The following FRMPD4 variants were observed in gnomAD, a reference collection of about 807,000 sequenced individuals.
The protein encoded by FRMPD4 is FERM and PDZ domain-containing protein 4.
Under a neutral mutation model 94.1 loss-of-function variants are expected in FRMPD4, and 22 were observed. The ratio of observed to expected loss-of-function variants is 0.23; its 90% CI spans 0.17 to 0.33. FRMPD4 has a LOEUF of 0.33. Among genes scored for constraint, FRMPD4 ranks in the 10% least tolerant of loss-of-function variants. FRMPD4 has a pLI of 1.00. For missense variants in FRMPD4, 1,111 were observed against 1,339.9 expected (o/e 0.83, Z 2.67); for synonymous variants, 631 against 548.6 (o/e 1.15, Z -2.10).
In FRMPD4 at chrX:12,000,722, A is replaced by T. The variant is rs528406038; in HGVS notation, c.95+122704A>T. Among the ~76,000 whole-genome samples the T allele has an allele frequency of 4.0e-3, 447 of 111,634 alleles. 2 individuals carry two copies. The highest frequency in any genetic ancestry group is 0.023 in the Middle Eastern group (5 of 218). ...CCAGAAGGTCTTTCCAATCCCTCAA[A>T]CTAGATTTGGTGTCTTTTCTCTCTG... On this transcript the variant is annotated intron_variant, in intron 3 of 18. Transcript: ENST00000640291.
At chrX:12,490,623 G>A (rs1203605734) in intron 1 of FRMPD4, among the ~76,000 whole-genome samples, 1 of 111,474 alleles carries the variant, frequency 9.0e-6, no homozygotes, top group African/African-American at 3.3e-5. Flanking sequence ...CAACAGGATG[G>A]TCGGTATTAG....
At chrX:12,625,095 C>T (rs1297675141) in intron 4 of FRMPD4, among the ~76,000 whole-genome samples, 2 of 111,558 alleles carry the variant, frequency 1.8e-5, no homozygotes, top group African/African-American at 6.5e-5. Flanking sequence ...TGTCATCTCA[C>T]CACAGTTAAA....
intron 1 of FRMPD4, among the ~76,000 whole-genome samples, chrX:12,477,666 A>G (rs934042582): frequency 8.9e-6 from 1 of 112,437 alleles, no homozygotes; most frequent in Non-Finnish European, 1.9e-5. Context: ...AGAATAATTC[A>G]TATTTAGCAA....
intron 1 of FRMPD4, among the ~76,000 whole-genome samples, chrX:12,496,222 A>G (rs2057848520): frequency 8.9e-6 from 1 of 112,410 alleles, no homozygotes; most frequent in African/African-American, 3.2e-5. Context: ...TAACATTTAT[A>G]CTAAAAATTA....
At chrX:12,268,229 C>T (rs1378768183) in intron 1 of FRMPD4, among the ~76,000 whole-genome samples, 1 of 112,263 alleles carries the variant, frequency 8.9e-6, no homozygotes, top group Non-Finnish European at 1.9e-5. Flanking sequence ...AAGAGTTCAT[C>T]ACACACCCAT....
chrX:12,420,438 T>G (rs1290351325), intron 1 of FRMPD4, among the ~76,000 whole-genome samples: 1 of 111,893 alleles, frequency 8.9e-6, no homozygotes, highest in Admixed American at 9.4e-5. Flanking sequence ...TCACTATTTC[T>G]TCAAGGCCCT....
chrX:12,221,651 T>A (rs2056869763), intron 1 of FRMPD4, among the ~76,000 whole-genome samples: 1 of 112,004 alleles, frequency 8.9e-6, no homozygotes, highest in Non-Finnish European at 1.9e-5. Flanking sequence ...AAGGAACATG[T>A]GCAAAGGCTT....
At chrX:12,220,838 A>C (rs1290047676) in intron 1 of FRMPD4, among the ~76,000 whole-genome samples, 1 of 112,129 alleles carries the variant, frequency 8.9e-6, no homozygotes, top group Non-Finnish European at 1.9e-5. Flanking sequence ...CTTTATTCCC[A>C]AAAGCCTATA....
At chrX:12,355,177 G>A (rs148593179) in intron 1 of FRMPD4, among the ~76,000 whole-genome samples, 2,601 of 101,051 alleles carry the variant, frequency 0.026, 75 homozygotes, top group African/African-American at 0.088. Flanking sequence ...CTAGTGAGAT[G>A]CTACCTTTTT....
At chrX:12,290,825 A>G (rs1283715868) in intron 1 of FRMPD4, among the ~76,000 whole-genome samples, 1 of 108,328 alleles carries the variant, frequency 9.2e-6, no homozygotes, top group Non-Finnish European at 1.9e-5. Context: ...ATGTGCATAC[A>G]TATAGGTGAC....
intron 1 of FRMPD4, among the ~76,000 whole-genome samples, chrX:12,454,153 T>A (rs1349186056): frequency 8.9e-6 from 1 of 112,300 alleles, no homozygotes; most frequent in African/African-American, 3.2e-5. Context: ...TTCAGATTCA[T>A]AAGTTTCTAT....
intron 2 of FRMPD4, among the ~76,000 whole-genome samples, chrX:12,589,614 T>C (rs908030904): frequency 8.9e-6 from 1 of 111,915 alleles, no homozygotes; most frequent in African/African-American, 3.2e-5. Flanking sequence ...ACCTGCATTT[T>C]CATCCACTTT....
intron 3 of FRMPD4, among the ~76,000 whole-genome samples, chrX:11,949,066 C>T (rs1403533366): frequency 8.9e-6 from 1 of 112,094 alleles, no homozygotes; most frequent in Non-Finnish European, 1.9e-5. Flanking sequence ...GAATCTTCTT[C>T]TTGGCTCATG....
chrX:12,108,228 G>A (rs1406229869), intron 3 of FRMPD4, among the ~76,000 whole-genome samples: 2 of 111,540 alleles, frequency 1.8e-5, no homozygotes, highest in African/African-American at 3.3e-5. Context: ...TGATCTCTCG[G>A]CAGAAACTCT....
In FRMPD4 at chrX:12,701,807, G is replaced by C. The variant is rs1476814955; in HGVS notation, c.934-67G>C. The C allele has an allele frequency of 6.2e-6, 7 of 1,127,503 alleles. No homozygotes were observed. The East Asian group carries it at 1.8e-4, about 29-fold the overall frequency. The allele number at this position is 1,127,503 out of a possible 1,213,427, so 92.9% of individuals were successfully genotyped here. A position where few individuals can be genotyped will look rare whatever the true frequency, so the allele number is the denominator to read the frequency against. ...ATCACTCGGGAAATGTATGTCACCT[G>C]TTCTGTAAGTCCACGCGCTGCGGCC... On this transcript the variant is annotated intron_variant, in intron 9 of 16. Transcript: ENST00000675598.
chrX:11,923,914 G>T (rs1023410489), intron 3 of FRMPD4, among the ~76,000 whole-genome samples: 5 of 112,017 alleles, frequency 4.5e-5, no homozygotes, highest in Admixed American at 2.8e-4. Flanking sequence ...TTCCAGCAAG[G>T]GTTTGGAACC....
chrX:12,513,512 A>G (rs764201103), intron 2 of FRMPD4, among the ~76,000 whole-genome samples: 22 of 112,076 alleles, frequency 2.0e-4, no homozygotes, highest in Non-Finnish European at 3.2e-4. Flanking sequence ...GGTTTGTCAA[A>G]GATCAGATCA....
At chrX:12,010,916 A>G (rs762912281) in intron 3 of FRMPD4, among the ~76,000 whole-genome samples, 17 of 112,202 alleles carry the variant, frequency 1.5e-4, no homozygotes, top group South Asian at 1.1e-3. Context: ...AAAAAGTACA[A>G]AAGTGGAAAC....
intron 4 of FRMPD4, among the ~76,000 whole-genome samples, chrX:12,615,550 G>A (rs1240630723): frequency 9.0e-6 from 1 of 111,635 alleles, no homozygotes; most frequent in Non-Finnish European, 1.9e-5. Context: ...GAATTTAAGG[G>A]AAAAGAGTTC....
Sources: allele counts gnomAD v4.1 joint callset (sites outside exome capture counted in the v4.1 genomes callset), GRCh38; gene constraint gnomAD v4.1.1; transcripts MANE v1.5; gene names NCBI Gene and HGNC (gene_info 2026-07-23, HGNC 2026-07-21).